Variants in CEP120 observed in about 807,000 individuals in gnomAD.
CEP120 encodes centrosomal protein of 120 kDa.
CEP120 carries 113 observed loss-of-function variants against 126.5 expected under a neutral mutation model. The observed-to-expected ratio is 0.89, with a 90% confidence interval of 0.77 to 1.04. The LOEUF (loss-of-function observed/expected upper bound fraction) is 1.04, where lower values mean the gene tolerates loss of function less well. Among genes scored for constraint, CEP120 ranks in the 50% least tolerant of loss-of-function variants. The pLI is 0.00. For missense variants in CEP120, 1,230 were observed against 1,155.7 expected (o/e 1.06, Z -0.93); for synonymous variants, 400 against 394.3 (o/e 1.01, Z -0.17).
In CEP120 at chr5:123,393,313, T is replaced by C. The variant is rs1772527359; in HGVS notation, c.797A>G (p.Gln266Arg). ...TGCAATACTCACCTGCAGTTTAGACTGAAGAGCCAGGTAAACACGAAGAAT... is the reference window on the plus strand; with the variant it reads ...TGCAATACTCACCTGCAGTTTAGACCGAAGAGCCAGGTAAACACGAAGAAT... Reference protein sequence around the residue: ...VEILRVYLALQSKLQIHLCCG... With the variant: ...VEILRVYLALRSKLQIHLCCG... The change falls in exon 6 of 20, where the codon CAG (glutamine) becomes CGG (arginine). Residue 266 changes from glutamine to arginine, a missense_variant. Transcript: ENST00000306467. 51 of 1,614,172 alleles carry C rather than the reference T, an allele frequency of 3.2e-5. No homozygotes were observed. Among genetic ancestry groups the C allele is most frequent in the Non-Finnish European group, 4.3e-5 (51 of 1,180,006 alleles).
chr5:123,390,854 G>A (rs934792630), intron 7 of CEP120: 2 of 344,762 alleles, frequency 5.8e-6, no homozygotes, highest in Non-Finnish European at 5.2e-6. Flanking sequence ...GGAGTTGGGG[G>A]TGGGGGAGAC....
At chr5:123,385,814 G>A (rs1296236320) in intron 10 of CEP120, among the ~76,000 whole-genome samples, 2 of 151,960 alleles carry the variant, frequency 1.3e-5, no homozygotes, top group Non-Finnish European at 2.9e-5. Flanking sequence ...ATTTTGCTCA[G>A]GCTAGTCTAA....
intron 4 of CEP120, among the ~76,000 whole-genome samples, chr5:123,407,519 A>C (rs2127114585): frequency 6.6e-6 from 1 of 152,366 alleles, no homozygotes; most frequent in South Asian, 2.1e-4. Context: ...AAAGGAGTCA[A>C]TTCTGCAAAA....
chr5:123,371,195 T>G (rs1770828300), intron 17 of CEP120, among the ~76,000 whole-genome samples: 1 of 152,074 alleles, frequency 6.6e-6, no homozygotes. Flanking sequence ...GATGCCTATA[T>G]TAGTCTGTTT....
At chr5:123,355,783 T>C (rs1001758302) in intron 18 of CEP120, among the ~76,000 whole-genome samples, 1 of 151,802 alleles carries the variant, frequency 6.6e-6, no homozygotes. Context: ...GCTCTTTAAT[T>C]AGATCCCATT....
intron 18 of CEP120, among the ~76,000 whole-genome samples, chr5:123,362,039 T>C (rs1418878228): frequency 6.6e-6 from 1 of 151,718 alleles, no homozygotes; most frequent in African/African-American, 2.4e-5. Context: ...CTTTCTACTA[T>C]TTATGCTGCT....
intron 18 of CEP120, among the ~76,000 whole-genome samples, chr5:123,356,095 C>T (rs952472393): frequency 4.9e-4 from 74 of 151,964 alleles, no homozygotes; most frequent in African/African-American, 1.3e-3. Context: ...TGTAGATATG[C>T]GGCATTATTT....
intron 4 of CEP120, among the ~76,000 whole-genome samples, chr5:123,408,300 T>C (rs1773825355): frequency 6.7e-6 from 1 of 148,536 alleles, no homozygotes; most frequent in Admixed American, 6.7e-5. Context: ...AGACAGGAAA[T>C]CAATAGAGAA....
chr5:123,379,656 T>C (rs1771504758), intron 14 of CEP120, among the ~76,000 whole-genome samples: 1 of 152,110 alleles, frequency 6.6e-6, no homozygotes, highest in Non-Finnish European at 1.5e-5. Flanking sequence ...CTACAGTATC[T>C]AGTCTAAACT....
intron 18 of CEP120, among the ~76,000 whole-genome samples, chr5:123,357,762 G>A (rs1428384): frequency 0.72 from 108,679 of 151,974 alleles, 38,992 homozygotes; most frequent in African/African-American, 0.75. Flanking sequence ...AAAAGCAAAC[G>A]TAGGAAAAGA....
intron 1 of CEP120, 58 bp downstream of exon 1, chr5:123,422,892 A>C (rs1774810845): frequency 2.9e-5 from 44 of 1,503,716 alleles, no homozygotes; most frequent in Non-Finnish European, 4.0e-5. Flanking sequence ...TCGGTCCCAC[A>C]CTAAGCTTTT....
At chr5:123,360,572 C>G (rs545587618) in intron 18 of CEP120, among the ~76,000 whole-genome samples, 9 of 150,212 alleles carry the variant, frequency 6.0e-5, no homozygotes, top group African/African-American at 2.2e-4. Context: ...TTTTCCTTTT[C>G]TTTACAAAAG....
At chr5:123,347,333 A>T (rs1768897546) in intron 19 of CEP120, among the ~76,000 whole-genome samples, 2 of 152,134 alleles carry the variant, frequency 1.3e-5, no homozygotes, top group Non-Finnish European at 2.9e-5. Context: ...ACATATTTTT[A>T]AAAATTCATT....
rs1771322458 is a variant in CEP120, at chr5:123,377,511, G to A, written c.2221C>T (p.Gln741Ter). The stretch of plus-strand genomic sequence containing the variant: ...TGCAGGTTCCGCTGACGTTCTGATT[G>A]CAGTTCCTTTTTTTCTCTTTGAAGC... ...SELQREKKEL[Q>*]SERQRNLQEL... Residue 741 changes from glutamine (Q) to a stop codon, truncating the protein, a stop_gained, in exon 16 of 20, where the codon CAA (glutamine) becomes TAA (stop). Coordinates refer to ENST00000306467, the MANE Select transcript of CEP120 (RefSeq NM_001375405.1). LOFTEE classifies it high-confidence loss of function. 1 of 1,584,278 alleles carries A rather than the reference G, an allele frequency of 6.3e-7. No individual in the cohort carries two copies. The highest frequency in any genetic ancestry group is 8.5e-7 in the Non-Finnish European group (1 of 1,172,928).
intron 4 of CEP120, chr5:123,403,239 T>C (rs1295689914): frequency 6.6e-6 from 3 of 454,534 alleles, no homozygotes; most frequent in African/African-American, 2.0e-5. Context: ...TCTTGGCTTC[T>C]AAAAATCATT....
At chr5:123,388,687 C>G (rs1258618101) in intron 8 of CEP120, 81 bp from the exon 9 acceptor site, 2 of 1,123,528 alleles carry the variant, frequency 1.8e-6, no homozygotes, top group Non-Finnish European at 2.4e-6. Context: ...TTAAGGCTAT[C>G]ATCTCATTTA....
Position 123,390,028 on chromosome 5 carries a change from G to T in CEP120, c.1151C>A (p.Ser384Tyr), listed in dbSNP as rs745593990. 9.9e-6 allele frequency: 16 copies of T among 1,613,924 alleles called. No individual in the cohort carries two copies. Among genetic ancestry groups the T allele is most frequent in the Non-Finnish European group, 1.3e-5 (15 of 1,179,922 alleles). ...TGACTGGTTGTGAGATGGAACAGGG[G>T]ACACTGTTGGTGATTTTGGCCCAGT... is the stretch of plus-strand genomic sequence containing the variant. Reference protein sequence around the residue: ...TLTGPKSPTVSPVPSHNQSPP... With the variant: ...TLTGPKSPTVYPVPSHNQSPP... The change falls in exon 8 of 20, where the codon TCC becomes TAC. Residue 384 changes from serine (S) to tyrosine (Y), a missense_variant. Transcript: ENST00000306467.
At chr5:123,363,015 T>G (rs1193826279) in intron 18 of CEP120, among the ~76,000 whole-genome samples, 1 of 151,660 alleles carries the variant, frequency 6.6e-6, no homozygotes, top group African/African-American at 2.4e-5. Flanking sequence ...CTTGTTGCAT[T>G]CCTACTGCTA....
chr5:123,416,230 A>G, intron 2 of CEP120, 106 bp from the exon 3 acceptor site: 1 of 681,282 alleles, frequency 1.5e-6, no homozygotes, highest in South Asian at 1.9e-5. Flanking sequence ...TGTTGGATAA[A>G]ACTGTAACTA....
Sources: gnomAD v4.1 joint callset for allele counts (sites outside exome capture counted in the v4.1 genomes callset) on GRCh38, gnomAD v4.1.1 for gene constraint, MANE v1.5 for transcripts, NCBI Gene and HGNC (gene_info 2026-07-23, HGNC 2026-07-21) for gene names.